Variants in GRM7 observed in about 807,000 individuals in gnomAD.
The protein encoded by GRM7 is glutamate metabotropic receptor 7, also known as metabotropic glutamate receptor 7.
A neutral mutation model predicts 84.5 loss-of-function variants in GRM7; 35 were observed. That is an observed-to-expected ratio of 0.41 (90% CI 0.32 to 0.55). The LOEUF (loss-of-function observed/expected upper bound fraction) is 0.55. Among genes scored for constraint, GRM7 ranks in the 20% least tolerant of loss-of-function variants. GRM7 has a pLI of 0.19. For synonymous variants in GRM7, 487 were observed against 455.1 expected (o/e 1.07, Z -0.89); for missense variants, 1,003 against 1,194.6 (o/e 0.84, Z 2.36).
intron 5 of GRM7, among the ~76,000 whole-genome samples, chr3:7,426,061 C>G (rs187361568): frequency 5.3e-5 from 8 of 151,914 alleles, no homozygotes; most frequent in African/African-American, 1.9e-4. Flanking sequence ...ACTAATTCCT[C>G]AACATTTAAG....
rs553042960 is a variant in GRM7 at position 7,050,851 on chromosome 3, C to A, written c.520-95601C>A. ...ACCTATAAATTATTCCTCCTTTCCCCACAGTGTTTGATTCAAAACCAATTA... is the reference window on the plus strand; with the variant it reads ...ACCTATAAATTATTCCTCCTTTCCCAACAGTGTTTGATTCAAAACCAATTA... On this transcript the variant is annotated intron_variant, in intron 1 of 9. Coordinates refer to ENST00000357716, the MANE Select transcript of GRM7 (RefSeq NM_000844.4). Among the ~76,000 whole-genome samples the A allele has an allele frequency of 2.8e-4, 42 of 151,872 alleles. No individual in the cohort carries two copies. The Middle Eastern group carries it at 0.01, about 37-fold the overall frequency.
chr3:7,446,650 A>G (rs1235700573), intron 5 of GRM7, among the ~76,000 whole-genome samples: 2 of 151,622 alleles, frequency 1.3e-5, no homozygotes, highest in African/African-American at 4.8e-5. Context: ...GGTACAGACG[A>G]GGTTTCACCA....
intron 4 of GRM7, among the ~76,000 whole-genome samples, chr3:7,364,260 C>T (rs1481587634): frequency 6.6e-6 from 1 of 151,858 alleles, no homozygotes; most frequent in Non-Finnish European, 1.5e-5. Flanking sequence ...CTTAATGTTT[C>T]AATGACTCCT....
intron 4 of GRM7, among the ~76,000 whole-genome samples, chr3:7,309,248 T>G (rs1187515474): frequency 2.0e-5 from 3 of 152,158 alleles, no homozygotes; most frequent in South Asian, 4.1e-4. Context: ...TCTATGAAAG[T>G]TAAAAAAGAA....
At chr3:7,442,332 T>C (rs1381981054) in intron 5 of GRM7, among the ~76,000 whole-genome samples, 2 of 152,152 alleles carry the variant, frequency 1.3e-5, no homozygotes, top group Non-Finnish European at 2.9e-5. Context: ...ATCCAGAAAC[T>C]TTGCTGAAAT....
intron 4 of GRM7, among the ~76,000 whole-genome samples, chr3:7,342,879 T>C (rs1692707662): frequency 6.6e-6 from 1 of 152,160 alleles, no homozygotes; most frequent in African/African-American, 2.4e-5. Context: ...GACAAGTTAT[T>C]GAACTTTTGG....
intron 4 of GRM7, among the ~76,000 whole-genome samples, chr3:7,405,658 A>C (rs1695643621): frequency 6.6e-6 from 1 of 152,150 alleles, no homozygotes; most frequent in African/African-American, 2.4e-5. Context: ...TCTTGTACAA[A>C]ATTTTACTAT....
intron 1 of GRM7, among the ~76,000 whole-genome samples, chr3:6,999,931 A>G (rs1435101799): frequency 6.6e-6 from 1 of 152,206 alleles, no homozygotes. Flanking sequence ...AGTAGCATAA[A>G]TGAATATAAT....
chr3:7,712,186 C>G (rs548590906), intron 9 of GRM7, among the ~76,000 whole-genome samples: 10 of 152,264 alleles, frequency 6.6e-5, no homozygotes, highest in Admixed American at 6.5e-4. Flanking sequence ...AGGCTTTGAG[C>G]AAGTAAACCT....
intron 1 of GRM7, among the ~76,000 whole-genome samples, chr3:6,975,043 G>C (rs1470826185): frequency 2.0e-5 from 3 of 152,138 alleles, no homozygotes; most frequent in Non-Finnish European, 4.4e-5. Context: ...CAAGCAAAGG[G>C]TGTGGGATAG....
At position 6,861,683 on chromosome 3, in the gene GRM7, G is replaced by A. The variant is rs774950970; in HGVS notation, c.295G>A (p.Val99Met). ...CAGTGATCCCAACCTACTGCCCAAC[G>A]TGACGCTGGGCGCGCGGATCCTGGA... The part of the protein sequence containing the change: ...INSDPNLLPN[V>M]TLGARILDTC... The change falls in exon 1 of 10, where the codon GTG (valine) becomes ATG (methionine). Residue 99 changes from valine (V) to methionine (M), a missense_variant. By Grantham distance (21) the Val-to-Met change is conservative (BLOSUM62 1). Around this residue, in one of 2 missense-constraint regions of GRM7, gnomAD observed 910 missense variants for 1,126.0 expected, o/e 0.81. Coordinates refer to ENST00000357716, the MANE Select transcript of GRM7 (RefSeq NM_000844.4). The surrounding 1 kb of genome is among the most constrained non-coding windows in gnomAD (Gnocchi z 6.4). The A allele has an allele frequency of 6.2e-7, 1 of 1,614,144 alleles. No homozygotes were observed. Among genetic ancestry groups the A allele is most frequent in the Admixed American group, 1.7e-5 (1 of 60,030 alleles).
chr3:7,093,333 C>T (rs949214045), intron 1 of GRM7, among the ~76,000 whole-genome samples: 1 of 151,360 alleles, frequency 6.6e-6, no homozygotes, highest in South Asian at 2.1e-4. Context: ...GTGTGTGTGT[C>T]TGTGTGTGTG....
chr3:7,656,218 G>C (rs999793807), intron 8 of GRM7, among the ~76,000 whole-genome samples: 4 of 152,052 alleles, frequency 2.6e-5, no homozygotes, highest in Non-Finnish European at 2.9e-5. Context: ...GGCTGGGCGC[G>C]ATGGCTCACT....
intron 8 of GRM7, among the ~76,000 whole-genome samples, chr3:7,630,408 T>C (rs1697814122): frequency 6.6e-6 from 1 of 152,276 alleles, no homozygotes; most frequent in South Asian, 2.1e-4. Flanking sequence ...ATGACTGTGA[T>C]TGTCAATTCA....
At chr3:7,633,074 G>A (rs758777489) in intron 8 of GRM7, among the ~76,000 whole-genome samples, 2 of 152,252 alleles carry the variant, frequency 1.3e-5, no homozygotes, top group Non-Finnish European at 2.9e-5. Flanking sequence ...CATATTTGGT[G>A]CTGGGATGTA....
At chr3:7,397,407 G>T (rs1695254782) in intron 4 of GRM7, among the ~76,000 whole-genome samples, 1 of 152,078 alleles carries the variant, frequency 6.6e-6, no homozygotes. Flanking sequence ...GGGTGAAAAG[G>T]GTAGCGGGGA....
At chr3:7,293,330 C>A (rs1353593455) in intron 2 of GRM7, among the ~76,000 whole-genome samples, 1 of 152,096 alleles carries the variant, frequency 6.6e-6, no homozygotes, top group Non-Finnish European at 1.5e-5. Flanking sequence ...AGAAAACTGA[C>A]CAGTTTTCAG....
chr3:6,873,686 C>T (rs1695205895), intron 1 of GRM7, among the ~76,000 whole-genome samples: 1 of 152,170 alleles, frequency 6.6e-6, no homozygotes, highest in Non-Finnish European at 1.5e-5. Context: ...TACTGTCTTT[C>T]CTAGCCTTAT....
At chr3:7,294,432 A>G (rs1216486748) in intron 2 of GRM7, among the ~76,000 whole-genome samples, 5 of 152,126 alleles carry the variant, frequency 3.3e-5, no homozygotes, top group African/African-American at 9.7e-5. Flanking sequence ...GAATCATGGC[A>G]TTGAGACTGT....
Sources: gnomAD v4.1 joint callset for allele counts (sites outside exome capture counted in the v4.1 genomes callset) on GRCh38, gnomAD v4.1.1 for gene constraint, gnomAD v4.1.1 regional missense constraint, Gnocchi (gnomAD v3.1) non-coding constraint, MANE v1.5 for transcripts, NCBI Gene and HGNC (gene_info 2026-07-23, HGNC 2026-07-21) for gene names.